CD83: variants seen among roughly 807,000 people sequenced by gnomAD.
The protein encoded by CD83 is CD83 molecule.
In CD83, 22 loss-of-function variants were observed where a neutral mutation model predicts 24.6. The ratio of observed to expected loss-of-function variants is 0.90; its 90% CI spans 0.64 to 1.28. CD83 has a LOEUF of 1.28. Ranked by LOEUF, CD83 falls within the 50% of genes most tolerant of loss-of-function variation. The probability of loss-of-function intolerance (pLI) is 0.00; values close to 1 mark genes in which losing one functional copy is unlikely to be tolerated. For synonymous variants in CD83, 101 were observed against 103.5 expected (o/e 0.98, Z 0.14); for missense variants, 253 against 252.8 (o/e 1.00, Z -0.01).
intron 2 of CD83, among the ~76,000 whole-genome samples, chr6:14,118,851 C>G (rs1759605749): frequency 6.6e-6 from 1 of 152,242 alleles, no homozygotes; most frequent in Non-Finnish European, 1.5e-5. Context: ...ACTGGTCCTT[C>G]TTTAAGTCAG....
rs561152840 is a variant in CD83 at position 14,127,970 on chromosome 6, T to G, written c.154-3550T>G. Among the ~76,000 whole-genome samples the G allele has an allele frequency of 2.6e-5, 4 of 152,354 alleles. 1 individual carries two copies. The highest frequency in any genetic ancestry group is 9.6e-5 in the African/African-American group (4 of 41,586). On this transcript the variant is annotated intron_variant, in intron 2 of 4. Transcript: ENST00000379153. ...GCGTGCATTAAATAGTTCCTGTCAA[T>G]TATGGTTGGCTGTGAATGAATCTGA...
chr6:14,124,349 A>G (rs141939816), intron 2 of CD83, among the ~76,000 whole-genome samples: 2 of 152,336 alleles, frequency 1.3e-5, no homozygotes, highest in Non-Finnish European at 2.9e-5. Context: ...TTACCGATAG[A>G]ATTGAGGTTA....
intron 2 of CD83, among the ~76,000 whole-genome samples, chr6:14,119,439 A>G (rs1225150306): frequency 6.6e-6 from 1 of 152,246 alleles, no homozygotes; most frequent in Non-Finnish European, 1.5e-5. Flanking sequence ...GCTCCAAGGT[A>G]AATATTTACA....
At chr6:14,118,326 A>G (rs1000395509) in intron 2 of CD83, among the ~76,000 whole-genome samples, 3 of 125,918 alleles carry the variant, frequency 2.4e-5, no homozygotes, top group Admixed American at 8.4e-5. Context: ...TGAATGATCC[A>G]CTTAAGATGT....
chr6:14,123,570 T>A (rs1203700357), intron 2 of CD83, among the ~76,000 whole-genome samples: 1 of 152,074 alleles, frequency 6.6e-6, no homozygotes, highest in Non-Finnish European at 1.5e-5. Context: ...TCCATGTAGT[T>A]CTGCGGAGGA....
chr6:14,132,061 C>T (rs940942507), intron 3 of CD83, among the ~76,000 whole-genome samples: 5 of 152,194 alleles, frequency 3.3e-5, no homozygotes, highest in Non-Finnish European at 7.3e-5. Context: ...AATTGGACTT[C>T]GGGTAATATT....
At position 14,129,132 on chromosome 6, in the gene CD83, C is replaced by G. The variant is rs1018270436; in HGVS notation, c.154-2388C>G. ...CAGGAGAAAACCATGGGTGAATAAT[C>G]TCAAAACGGTTGTTGCAGCTACACT... On this transcript the variant is annotated intron_variant, in intron 2 of 4. Coordinates refer to ENST00000379153, the MANE Select transcript of CD83 (RefSeq NM_004233.4). The surrounding 1 kb of genome is among the most constrained non-coding windows in gnomAD (Gnocchi z 4.3). Among the ~76,000 whole-genome samples, 33 of 152,314 alleles carry G rather than the reference C, an allele frequency of 2.2e-4. No homozygotes were observed. Among genetic ancestry groups the G allele is most frequent in the African/African-American group, 7.5e-4 (31 of 41,556 alleles).
rs1288818504 is a variant in CD83, at chr6:14,133,755, TGTAA to T, written c.489+4_489+7del. 6.3e-7 allele frequency: 1 copy of T among 1,583,146 alleles called. No individual in the cohort carries two copies. Among genetic ancestry groups the T allele is most frequent in the Non-Finnish European group, 8.7e-7 (1 of 1,153,386 alleles). ...ACTTAACACTCATCATTTTCACTTG[TGTAA>T]GTATCTTCTTAAAACATCTTCTCTT... On this transcript the variant is annotated splice_donor_variant and splice_donor_region_variant and intron_variant, in intron 4 of 4. Transcript: ENST00000379153. LOFTEE classifies it high-confidence loss of function.
chr6:14,124,252 C>T (rs938216317), intron 2 of CD83, among the ~76,000 whole-genome samples: 8 of 152,090 alleles, frequency 5.3e-5, no homozygotes, highest in Non-Finnish European at 7.3e-5. Context: ...ACTGCATATC[C>T]CAAATTGGGA....
Position 14,135,223 on chromosome 6 carries a change from C to T in CD83, c.605C>T (p.Thr202Ile). The change falls in exon 5 of 5, where the codon ACA (threonine) becomes ATA (isoleucine). Residue 202 changes from threonine to isoleucine, a missense_variant. Physicochemically the swap from Thr to Ile is moderately conservative, Grantham distance 89 (BLOSUM62 -1). Transcript: ENST00000379153. ...KHLGLVTPHKTELV is the reference protein window; with the variant it reads ...KHLGLVTPHKIELV Reference sequence around the variant, plus strand: ...TTAGGGCTAGTGACTCCTCACAAGACAGAACTGGTATGAGCAGGATTTCTG... The same window carrying T: ...TTAGGGCTAGTGACTCCTCACAAGATAGAACTGGTATGAGCAGGATTTCTG... 6.2e-7 allele frequency: 1 copy of T among 1,614,138 alleles called. No homozygotes were observed. Among genetic ancestry groups the T allele is most frequent in the African/African-American group, 1.3e-5 (1 of 75,060 alleles).
chr6:14,130,076 TC>T (rs1231629638), intron 2 of CD83, among the ~76,000 whole-genome samples: 2 of 152,066 alleles, frequency 1.3e-5, no homozygotes, highest in East Asian at 3.9e-4. Flanking sequence ...TCTGTCTCCT[TC>T]CCTAAGGTGG....
chr6:14,135,634 C>G lies in CD83; in HGVS notation c.*398C>G, dbSNP rs1758033087. 6.1e-6 allele frequency: 1 copy of G among 165,052 alleles called. No individual in the cohort carries two copies. The highest frequency in any genetic ancestry group is 2.4e-5 in the African/African-American group (1 of 41,904). 10.2% of individuals were successfully genotyped at this position (165,052 alleles called of 1,614,324 possible). A position where few individuals can be genotyped will look rare whatever the true frequency, so the allele number is the denominator to read the frequency against. ...GTCCTCTTCTGCATCTTGGGGACAT[C>G]TCTTTGAATTTTCTGTGTTTTGCTG... On this transcript the variant is annotated 3_prime_UTR_variant, in exon 5 of 5. Coordinates refer to ENST00000379153, the MANE Select transcript of CD83 (RefSeq NM_004233.4).
rs79592246 is a variant in CD83 at position 14,132,647 on chromosome 6, A to G, written c.382+899A>G. 1.9e-3 allele frequency among the ~76,000 whole-genome samples: 297 copies of G among 152,352 alleles called. 10 individuals are homozygous for G. The East Asian group carries it at 0.049, about 25-fold the overall frequency. ...GAAGTTGCGTTAAAATGCTGAGTGT[A>G]GTGCCCGGGATAGACTGAATGACCA... On this transcript the variant is annotated intron_variant, in intron 3 of 4. Transcript: ENST00000379153.
At chr6:14,132,629 C>T (rs188999013) in intron 3 of CD83, among the ~76,000 whole-genome samples, 35 of 152,276 alleles carry the variant, frequency 2.3e-4, no homozygotes, top group African/African-American at 6.3e-4. Flanking sequence ...TGAGAAGTTG[C>T]GTTAAAATGC....
intron 2 of CD83, among the ~76,000 whole-genome samples, chr6:14,128,238 A>G (rs1470341597): frequency 6.6e-6 from 1 of 151,964 alleles, no homozygotes; most frequent in Non-Finnish European, 1.5e-5. Flanking sequence ...CAGTTAGCTC[A>G]TCTGATAAAG....
At chr6:14,119,047 C>T (rs946062019) in intron 2 of CD83, among the ~76,000 whole-genome samples, 1 of 152,228 alleles carries the variant, frequency 6.6e-6, no homozygotes, top group Non-Finnish European at 1.5e-5. Context: ...ACGTCTTTGG[C>T]CACTTAACAG....
chr6:14,123,078 T>TTTTG (rs761634047), intron 2 of CD83, among the ~76,000 whole-genome samples: 1 of 152,076 alleles, frequency 6.6e-6, no homozygotes, highest in Non-Finnish European at 1.5e-5. Flanking sequence ...TTGAAGGATT[T>TTTTG]TTTGTTTGTT....
rs368327232 is a variant in CD83, at chr6:14,120,265, A to G, written c.153+2200A>G. Among the ~76,000 whole-genome samples the G allele has an allele frequency of 3.3e-5, 5 of 152,320 alleles. No homozygotes were observed. In the East Asian group the frequency reaches 9.6e-4, roughly 29 times the overall value. ...CATTTTTTTTAAAACAGCTCTCAGC[A>G]TGTTCTGTAGATACTTATTATTTTC... On this transcript the variant is annotated intron_variant, in intron 2 of 4. Transcript: ENST00000379153.
Position 14,131,653 on chromosome 6 carries a change from A to T in CD83, c.287A>T (p.Asn96Ile). The change falls in exon 3 of 5, where the codon AAC (asparagine) becomes ATC (isoleucine). Residue 96 changes from asparagine to isoleucine, a missense_variant. By Grantham distance (149) the Asn-to-Ile change is moderately radical. Transcript: ENST00000379153. The part of the protein sequence containing the change: ...NERPYSLKIR[N>I]TTSCNSGTYR... ...AGGCCCTATTCCCTGAAGATCCGAA[A>T]CACTACCAGCTGCAACTCGGGGACA... 6.2e-7 allele frequency: 1 copy of T among 1,614,124 alleles called. No homozygotes were observed. The highest frequency in any genetic ancestry group is 8.5e-7 in the Non-Finnish European group (1 of 1,180,030).
Sources: allele counts gnomAD v4.1 joint callset (sites outside exome capture counted in the v4.1 genomes callset), GRCh38; gene constraint gnomAD v4.1.1; non-coding constraint Gnocchi (gnomAD v3.1); transcripts MANE v1.5; gene names NCBI Gene and HGNC (gene_info 2026-07-23, HGNC 2026-07-21).